The following ARHGEF6 variants were observed in gnomAD, a reference collection of about 807,000 sequenced individuals.
The protein encoded by ARHGEF6 is rho guanine nucleotide exchange factor 6.
ARHGEF6 carries 9 observed loss-of-function variants against 70.3 expected under a neutral mutation model. The observed-to-expected ratio is 0.13, with a 90% CI of 0.08 to 0.22. The LOEUF (loss-of-function observed/expected upper bound fraction) is 0.22, where lower values mean the gene tolerates loss of function less well. ARHGEF6 is among the 10% of genes least tolerant of loss of function. ARHGEF6 has a pLI of 1.00. For synonymous variants in ARHGEF6, 201 were observed against 207.8 expected, an observed-to-expected ratio of 0.97 and a Z score of 0.28; for missense variants, 470 against 563.0, an observed-to-expected ratio of 0.83 and a Z score of 1.67.
intron 15 of ARHGEF6, 129 bp from the exon 16 acceptor site, chrX:136,679,789 C>A (rs1032639574): frequency 5.8e-6 from 5 of 864,010 alleles, no homozygotes; most frequent in African/African-American, 2.0e-5. Context: ...GATGGAAAAA[C>A]AAAAGTCTCT....
At chrX:136,706,885 T>C (rs1410374289) in intron 9 of ARHGEF6, 23 bp downstream of exon 9, 3 of 1,211,335 alleles carry the variant, frequency 2.5e-6, no homozygotes, top group Non-Finnish European at 1.1e-6. Context: ...ATTGCAAAAG[T>C]TGGGGAAATG....
At chrX:136,752,092 A>G (rs2077157714) in intron 2 of ARHGEF6, among the ~76,000 whole-genome samples, 1 of 112,217 alleles carries the variant, frequency 8.9e-6, no homozygotes, top group African/African-American at 3.2e-5. Context: ...TGAAAAAGCA[A>G]TCCATGAGTC....
In ARHGEF6 at chrX:136,682,822, A is replaced by G. The variant is rs764213503; in HGVS notation, c.1415T>C (p.Met472Thr). ...ACEEKEERYLMLFSNVLIMLS... is the reference protein window; with the variant it reads ...ACEEKEERYLTLFSNVLIMLS... ...CATTATCAGGACATTTGAAAATAAC[A>G]TAAGGTACCGCTCCTCTTTTTCCTG... is the stretch of plus-strand genomic sequence containing the variant. The change falls in exon 13 of 22, where the codon ATG becomes ACG. Residue 472 changes from methionine (M) to threonine (T), a missense_variant. By Grantham distance (81) the Met-to-Thr change is moderately conservative. This residue lies in a region of ARHGEF6 where 379 missense variants were observed against 449.3 expected (regional missense o/e 0.84). Coordinates refer to ENST00000250617, the MANE Select transcript of ARHGEF6 (RefSeq NM_004840.3). 6 of 1,208,058 alleles carry G rather than the reference A, an allele frequency of 5.0e-6. No individual in the cohort carries two copies. The highest frequency in any genetic ancestry group is 6.7e-6 in the Non-Finnish European group (6 of 891,919).
intron 6 of ARHGEF6, among the ~76,000 whole-genome samples, chrX:136,724,706 T>C (rs2076836460): frequency 1.8e-5 from 2 of 110,715 alleles, no homozygotes; most frequent in Non-Finnish European, 1.9e-5. Flanking sequence ...CCCAGGCCGG[T>C]CTTGAATTCC....
At chrX:136,673,208 C>T (rs1177476481) in intron 19 of ARHGEF6, among the ~76,000 whole-genome samples, 1 of 112,248 alleles carries the variant, frequency 8.9e-6, no homozygotes, top group Non-Finnish European at 1.9e-5. Context: ...AAATGCTCCA[C>T]CATTTTACAT....
intron 19 of ARHGEF6, among the ~76,000 whole-genome samples, chrX:136,672,527 T>C (rs1027841350): frequency 2.7e-5 from 3 of 111,855 alleles, no homozygotes; most frequent in African/African-American, 9.8e-5. Context: ...GTCATTGTAG[T>C]AAAAGGTTGA....
chrX:136,743,693 C>T lies in ARHGEF6; in HGVS notation c.553G>A (p.Asp185Asn), dbSNP rs755769516. 5.8e-6 allele frequency: 7 copies of T among 1,209,923 alleles called. No homozygotes were observed. The highest frequency in any genetic ancestry group is 4.6e-4 in the Middle Eastern group (2 of 4,376). The change falls in exon 5 of 22, where the codon GAC becomes AAC. Residue 185 changes from aspartate to asparagine, a missense_variant. Asp to Asn is a conservative substitution (Grantham distance 23). This residue lies in a region of ARHGEF6 where 379 missense variants were observed against 449.3 expected (regional missense o/e 0.84). Transcript: ENST00000250617. ...NEDELSVCKG[D>N]IIYVTRVEEG... ...TCAACTCGTGTGACGTAAATGATGT[C>T]CCCCTTACAAACTGACAGTTCATCC...
chrX:136,750,766 A>G (rs1052541049), intron 2 of ARHGEF6, among the ~76,000 whole-genome samples: 2 of 110,502 alleles, frequency 1.8e-5, no homozygotes, highest in South Asian at 7.6e-4. Context: ...CATATAGCCA[A>G]CCTAAGTTGC....
chrX:136,714,440 A>G (rs2076717124), intron 6 of ARHGEF6, among the ~76,000 whole-genome samples: 1 of 112,405 alleles, frequency 8.9e-6, no homozygotes, highest in Non-Finnish European at 1.9e-5. Flanking sequence ...GGGACAACCC[A>G]GTTAACATTC....
At chrX:136,742,092 G>A (rs1033408617) in intron 5 of ARHGEF6, among the ~76,000 whole-genome samples, 2 of 111,024 alleles carry the variant, frequency 1.8e-5, no homozygotes, top group African/African-American at 6.6e-5. Context: ...AGGCTGAGGC[G>A]GGCGGATCAC....
rs186516288 is a variant in ARHGEF6 at position 136,758,280 on chromosome X, T to C, written c.250-10688A>G. The stretch of plus-strand genomic sequence containing the variant: ...GTTAGCCAGGATGGTCTGGATCTCC[T>C]GACCTCGTGATCCGCCCGCCTCGGC... On this transcript the variant is annotated intron_variant, in intron 2 of 21. Transcript: ENST00000250617. Among the ~76,000 whole-genome samples, 66 of 109,195 alleles carry C rather than the reference T, an allele frequency of 6.0e-4. 1 individual carries two copies. The East Asian group carries it at 0.018, about 29-fold the overall frequency. The allele number at this position is 109,195 out of a possible 115,157, so 94.8% of individuals were successfully genotyped here.
intron 2 of ARHGEF6, among the ~76,000 whole-genome samples, chrX:136,751,736 C>T (rs1448862961): frequency 4.5e-5 from 5 of 111,419 alleles, no homozygotes; most frequent in Non-Finnish European, 9.4e-5. Context: ...AGTAGGCCCT[C>T]ACCAGGATAC....
chrX:136,750,626 T>A (rs1464341185), intron 2 of ARHGEF6, among the ~76,000 whole-genome samples: 1 of 111,850 alleles, frequency 8.9e-6, no homozygotes. Flanking sequence ...AGACTACGGC[T>A]AGATGGTGTC....
intron 14 of ARHGEF6, 70 bp downstream of exon 14, chrX:136,681,820 T>A (rs1455148489): frequency 2.0e-6 from 2 of 986,679 alleles, no homozygotes; most frequent in Non-Finnish European, 2.9e-6. Context: ...TAATGGCATT[T>A]ATTTATTAAA....
At chrX:136,709,871 C>T (rs2076665784) in intron 7 of ARHGEF6, among the ~76,000 whole-genome samples, 1 of 112,005 alleles carries the variant, frequency 8.9e-6, no homozygotes, top group Non-Finnish European at 1.9e-5. Context: ...GAGGCTGAGG[C>T]AGAAGAATTG....
At chrX:136,681,419 T>C (rs1289003923) in intron 14 of ARHGEF6, among the ~76,000 whole-genome samples, 1 of 112,187 alleles carries the variant, frequency 8.9e-6, no homozygotes, top group East Asian at 2.8e-4. Context: ...TAAGCTAAAA[T>C]GTCAGGGGGC....
At chrX:136,732,201 A>C (rs1427886788) in intron 5 of ARHGEF6, 29 bp from the exon 6 acceptor site, 7 of 1,081,420 alleles carry the variant, frequency 6.5e-6, no homozygotes, top group Non-Finnish European at 7.7e-6. Context: ...AATTATGTTA[A>C]TATCACAGAA....
chrX:136,754,813 G>T (rs753629640), intron 2 of ARHGEF6, among the ~76,000 whole-genome samples: 1 of 111,105 alleles, frequency 9.0e-6, no homozygotes, highest in Non-Finnish European at 1.9e-5. Flanking sequence ...CCCTCCTCCT[G>T]TGCTCCTGTC....
intron 6 of ARHGEF6, among the ~76,000 whole-genome samples, chrX:136,726,887 A>G (rs780205739): frequency 8.0e-5 from 9 of 112,755 alleles, no homozygotes; most frequent in Non-Finnish European, 1.3e-4. Flanking sequence ...GGCCAGCTTT[A>G]TTAAGTGTGT....
Sources: gnomAD v4.1 joint callset for allele counts (sites outside exome capture counted in the v4.1 genomes callset) on GRCh38, gnomAD v4.1.1 for gene constraint, gnomAD v4.1.1 regional missense constraint, MANE v1.5 for transcripts, NCBI Gene and HGNC (gene_info 2026-07-23, HGNC 2026-07-21) for gene names.